Variants in SHANK2 observed in about 807,000 individuals in gnomAD.
SHANK2 encodes SH3 and multiple ankyrin repeat domains protein 2.
SHANK2 carries 43 observed loss-of-function variants against 133.7 expected under a neutral mutation model. The ratio of observed to expected loss-of-function variants is 0.32; its 90% confidence interval spans 0.25 to 0.41. The LOEUF is 0.41. SHANK2 is among the 10% of genes least tolerant of loss of function. SHANK2 has a pLI of 1.00. For missense variants in SHANK2, 1,994 were observed against 2,235.8 expected (o/e 0.89, Z 2.18); for synonymous variants, 1,017 against 952.8 (o/e 1.07, Z -1.24).
intron 10 of SHANK2, among the ~76,000 whole-genome samples, chr11:70,946,264 T>A (rs1183865366): frequency 4.5e-5 from 6 of 134,028 alleles, no homozygotes. Flanking sequence ...CTTTCCAGGC[T>A]CAACCTCCCT....
intron 3 of SHANK2, among the ~76,000 whole-genome samples, chr11:71,144,139 T>C (rs1590954198): frequency 6.6e-6 from 1 of 151,962 alleles, no homozygotes; most frequent in South Asian, 2.1e-4. Context: ...GGATAGTAAG[T>C]GGGAGGGACA....
intron 17 of SHANK2, among the ~76,000 whole-genome samples, chr11:70,639,873 T>A (rs1261282098): frequency 6.6e-6 from 1 of 152,154 alleles, no homozygotes; most frequent in African/African-American, 2.4e-5. Flanking sequence ...GGTGGAGTTC[T>A]ACGTGGCTGG....
At chr11:71,184,135 C>A (rs1244980863) in intron 2 of SHANK2, among the ~76,000 whole-genome samples, 1 of 152,192 alleles carries the variant, frequency 6.6e-6, no homozygotes. Context: ...GGCACCTGGA[C>A]TTGCCTGGCA....
At position 70,558,993 on chromosome 11, in the gene SHANK2, T is replaced by C. The variant is rs571523071; in HGVS notation, c.2062-56062A>G. On this transcript the variant is annotated intron_variant, in intron 17 of 25. Coordinates refer to ENST00000601538, the MANE Select transcript of SHANK2 (RefSeq NM_012309.5). ...ACGATTTCCTCATTTCGGAGACTCT[T>C]AATAACAATTTTCTCATTTCACAGA... 9.2e-5 allele frequency among the ~76,000 whole-genome samples: 14 copies of C among 152,302 alleles called. No homozygotes were observed. The South Asian group carries it at 2.5e-3, about 27-fold the overall frequency.
intron 10 of SHANK2, among the ~76,000 whole-genome samples, chr11:70,916,055 G>A (rs1236087481): frequency 6.6e-6 from 1 of 152,190 alleles, no homozygotes; most frequent in Non-Finnish European, 1.5e-5. Flanking sequence ...CATGTCTAGG[G>A]AGGCCTACAT....
At chr11:71,198,454 G>A (rs1335532680) in intron 2 of SHANK2, among the ~76,000 whole-genome samples, 1 of 152,194 alleles carries the variant, frequency 6.6e-6, no homozygotes, top group East Asian at 1.9e-4. Flanking sequence ...GGTCTCTAGC[G>A]GGGCCTCCAA....
chr11:71,085,908 T>A (rs1951394816), intron 8 of SHANK2, among the ~76,000 whole-genome samples: 69 of 478 alleles, frequency 0.14, 2 homozygotes, highest in African/African-American at 0.32. Flanking sequence ...ATTAATTATA[T>A]ATTAATATAA....
rs141935571 is a variant in SHANK2 at position 70,501,988 on chromosome 11, A to G, written c.2279-57T>C. On this transcript the variant is annotated intron_variant, in intron 19 of 25. Transcript: ENST00000601538. ...CAATGTTAGATAAACAGAAAAGAGG[A>G]AAGGCAGGACTAGCAACAACGCCCC... 4.8e-4 allele frequency: 736 copies of G among 1,540,700 alleles called. 8 individuals are homozygous for G. Among genetic ancestry groups the G allele is most frequent in the African/African-American group, 4.1e-3 (300 of 72,998 alleles).
At chr11:70,636,317 G>A (rs950703382) in intron 17 of SHANK2, among the ~76,000 whole-genome samples, 3 of 152,108 alleles carry the variant, frequency 2.0e-5, no homozygotes, top group Non-Finnish European at 2.9e-5. Flanking sequence ...ATGTGTGAGC[G>A]TGTGAATGTT....
chr11:70,929,881 G>C (rs1268795283), intron 10 of SHANK2, among the ~76,000 whole-genome samples: 2 of 152,194 alleles, frequency 1.3e-5, no homozygotes, highest in African/African-American at 2.4e-5. Flanking sequence ...TGAGCTTTAA[G>C]TGCCACAGAC....
chr11:70,559,826 C>T (rs1401209221), intron 17 of SHANK2, among the ~76,000 whole-genome samples: 1 of 151,958 alleles, frequency 6.6e-6, no homozygotes, highest in Non-Finnish European at 1.5e-5. Flanking sequence ...ACAGCCCTTT[C>T]CTCTTCCTGC....
intron 15 of SHANK2, among the ~76,000 whole-genome samples, chr11:70,681,038 TGCTGGTGGCCCA>T (rs1179389708): frequency 6.6e-6 from 1 of 152,184 alleles, no homozygotes; most frequent in Non-Finnish European, 1.5e-5. Flanking sequence ...GGCTCTGGGG[TGCTGGTGGCCCA>T]GCTGACAGGT....
chr11:70,521,664 ATG>A (rs1258543316), intron 17 of SHANK2, among the ~76,000 whole-genome samples: 2 of 151,944 alleles, frequency 1.3e-5, no homozygotes, highest in African/African-American at 2.4e-5. Context: ...GCACGTGAGC[ATG>A]TGTGTGGGTG....
At chr11:70,649,790 C>G (rs1255894927) in intron 17 of SHANK2, among the ~76,000 whole-genome samples, 1 of 152,190 alleles carries the variant, frequency 6.6e-6, no homozygotes, top group Non-Finnish European at 1.5e-5. Flanking sequence ...GTACAGCATC[C>G]ACACACAGAA....
chr11:70,920,382 C>T (rs1332690165), intron 10 of SHANK2, among the ~76,000 whole-genome samples: 2 of 152,258 alleles, frequency 1.3e-5, no homozygotes, highest in Middle Eastern at 3.4e-3. Flanking sequence ...TGTGAACTGC[C>T]ACACCCAGTC....
intron 10 of SHANK2, among the ~76,000 whole-genome samples, chr11:70,915,139 C>A (rs1950252057): frequency 6.6e-6 from 1 of 152,058 alleles, no homozygotes; most frequent in African/African-American, 2.4e-5. Context: ...TGCTGGCTTG[C>A]GGGACACGTT....
chr11:70,830,258 T>A lies in SHANK2; in HGVS notation c.1175-9576A>T, dbSNP rs1166744629. ...ACATCAGCATTCCTCCTGCCCCTCG[T>A]TTTATGAGCATGTCCGTGGCCTGAA... On this transcript the variant is annotated intron_variant, in intron 11 of 25. Coordinates refer to ENST00000601538, the MANE Select transcript of SHANK2 (RefSeq NM_012309.5). The surrounding 1 kb of genome is among the most constrained non-coding windows in gnomAD (Gnocchi z 4.4). 3.3e-5 allele frequency among the ~76,000 whole-genome samples: 5 copies of A among 152,148 alleles called. No homozygotes were observed. The highest frequency in any genetic ancestry group is 3.3e-4 in the Admixed American group (5 of 15,272).
At chr11:71,069,107 CA>C in intron 9 of SHANK2, among the ~76,000 whole-genome samples, 1 of 151,486 alleles carries the variant, frequency 6.6e-6, no homozygotes, top group East Asian at 1.9e-4. Context: ...TCATCATTAT[CA>C]ACCACCACCA....
chr11:70,953,943 C>T (rs112342677), intron 10 of SHANK2, among the ~76,000 whole-genome samples: 2,249 of 152,242 alleles, frequency 0.015, 32 homozygotes, highest in Middle Eastern at 0.031. Flanking sequence ...CTGACAGGCA[C>T]GTGCACCTCT....
Sources: allele counts gnomAD v4.1 joint callset (sites outside exome capture counted in the v4.1 genomes callset), GRCh38; gene constraint gnomAD v4.1.1; non-coding constraint Gnocchi (gnomAD v3.1); transcripts MANE v1.5; gene names NCBI Gene and HGNC (gene_info 2026-07-23, HGNC 2026-07-21).